Variants in SPIDR observed in about 807,000 individuals in gnomAD.
The protein encoded by SPIDR is DNA repair-scaffolding protein.
SPIDR carries 93 observed loss-of-function variants against 104.6 expected under a neutral mutation model. That is an observed-to-expected ratio of 0.89 (90% CI 0.75 to 1.06). The LOEUF is 1.06. SPIDR is among the 50% of genes least tolerant of loss of function. SPIDR has a pLI of 0.00. For missense variants in SPIDR, 1,154 were observed against 1,111.2 expected (o/e 1.04, Z -0.55); for synonymous variants, 431 against 416.9 (o/e 1.03, Z -0.41).
At chr8:47,568,876 A>G (rs1250771650) in intron 8 of SPIDR, among the ~76,000 whole-genome samples, 2 of 152,240 alleles carry the variant, frequency 1.3e-5, no homozygotes, top group African/African-American at 4.8e-5. Flanking sequence ...GAGAGCAGGC[A>G]TAAATCCTTC....
intron 5 of SPIDR, among the ~76,000 whole-genome samples, chr8:47,360,645 G>A (rs567268353): frequency 3.7e-4 from 57 of 152,290 alleles, no homozygotes; most frequent in African/African-American, 1.3e-3. Flanking sequence ...TGATTCCAGC[G>A]TTGTCAGGTC....
chr8:47,533,314 A>G lies in SPIDR; in HGVS notation c.1098-62497A>G, dbSNP rs139130223. Among the ~76,000 whole-genome samples the G allele has an allele frequency of 3.0e-4, 45 of 152,328 alleles. 1 individual carries two copies. The East Asian group carries it at 5.2e-3, about 18-fold the overall frequency. Reference sequence around the variant, plus strand: ...AGAATTAAATGTAAAATCCCAAACTATAAAAACCCTGGAAGACAACTTAGG... The same window carrying G: ...AGAATTAAATGTAAAATCCCAAACTGTAAAAACCCTGGAAGACAACTTAGG... On this transcript the variant is annotated intron_variant, in intron 8 of 19. Coordinates refer to ENST00000297423, the MANE Select transcript of SPIDR (RefSeq NM_001080394.4).
intron 8 of SPIDR, among the ~76,000 whole-genome samples, chr8:47,509,621 C>T (rs1013376017): frequency 2.6e-5 from 4 of 152,138 alleles, no homozygotes; most frequent in Non-Finnish European, 4.4e-5. Context: ...AAAAGCAAGT[C>T]GCATAACTTT....
At chr8:47,710,714 T>C (rs528043515) in intron 14 of SPIDR, among the ~76,000 whole-genome samples, 1 of 152,224 alleles carries the variant, frequency 6.6e-6, no homozygotes, top group Non-Finnish European at 1.5e-5. Flanking sequence ...GTTATCCGCC[T>C]GCCTCGGCCT....
intron 14 of SPIDR, among the ~76,000 whole-genome samples, chr8:47,706,315 C>T (rs2081076629): frequency 6.6e-6 from 1 of 152,044 alleles, no homozygotes. Context: ...ATGGTGTGAA[C>T]CTGGGAGGCG....
chr8:47,303,839 A>G (rs1372733102), intron 5 of SPIDR, among the ~76,000 whole-genome samples: 2 of 151,902 alleles, frequency 1.3e-5, no homozygotes, highest in Non-Finnish European at 2.9e-5. Context: ...ACCATGCCCA[A>G]CTAATTTTTG....
chr8:47,735,564 TTGAAA>T lies in SPIDR; in HGVS notation c.*120_*124del, dbSNP rs1466968864. 3.9e-6 allele frequency: 6 copies of T among 1,548,812 alleles called. No individual in the cohort carries two copies. The highest frequency in any genetic ancestry group is 4.0e-5 in the Admixed American group (2 of 49,890). On this transcript the variant is annotated 3_prime_UTR_variant, in exon 20 of 20. Coordinates refer to ENST00000297423, the MANE Select transcript of SPIDR (RefSeq NM_001080394.4). The stretch of plus-strand genomic sequence containing the variant: ...GACACAGTGAACGTAGTTTACGATC[TTGAAA>T]TGAAACTTAGATTTTTCTGGGGAAA...
chr8:47,487,744 C>T (rs1453720550), intron 8 of SPIDR, among the ~76,000 whole-genome samples: 1 of 152,096 alleles, frequency 6.6e-6, no homozygotes, highest in Non-Finnish European at 1.5e-5. Flanking sequence ...ACAACGTGCT[C>T]CTGAATGACT....
chr8:47,634,802 CT>C (rs1259630826), intron 10 of SPIDR, among the ~76,000 whole-genome samples: 3 of 152,230 alleles, frequency 2.0e-5, no homozygotes, highest in Non-Finnish European at 4.4e-5. Context: ...GCAACCTTTG[CT>C]GACTTAGCTT....
intron 5 of SPIDR, among the ~76,000 whole-genome samples, chr8:47,331,955 T>A (rs1330575913): frequency 7.2e-6 from 1 of 139,830 alleles, no homozygotes; most frequent in Non-Finnish European, 1.5e-5. Flanking sequence ...ATTTAAAAAA[T>A]TTTTTTAAAC....
intron 5 of SPIDR, among the ~76,000 whole-genome samples, chr8:47,312,963 A>G (rs1395829304): frequency 2.0e-5 from 3 of 152,198 alleles, no homozygotes; most frequent in African/African-American, 7.2e-5. Flanking sequence ...TCCCAGCACC[A>G]TTTATTAAAT....
intron 8 of SPIDR, among the ~76,000 whole-genome samples, chr8:47,583,522 T>G (rs1032289122): frequency 2.0e-5 from 3 of 152,164 alleles, no homozygotes; most frequent in African/African-American, 7.2e-5. Flanking sequence ...ATAACATTTG[T>G]GACAATGAGA....
At chr8:47,327,126 TAA>T (rs548934022) in intron 5 of SPIDR, among the ~76,000 whole-genome samples, 46 of 150,280 alleles carry the variant, frequency 3.1e-4, no homozygotes, top group African/African-American at 1.1e-3. Flanking sequence ...TCTACCCACT[TAA>T]AAAAAAAATC....
intron 5 of SPIDR, among the ~76,000 whole-genome samples, chr8:47,337,240 A>G (rs1209781525): frequency 1.3e-5 from 2 of 151,634 alleles, no homozygotes. Context: ...CTGACCTTCC[A>G]CCTCTGCCTC....
chr8:47,536,543 G>C (rs994584353), intron 8 of SPIDR, among the ~76,000 whole-genome samples: 2 of 152,120 alleles, frequency 1.3e-5, no homozygotes, highest in Non-Finnish European at 1.5e-5. Context: ...TCAAGAAATT[G>C]TGCTGGAACA....
At chr8:47,663,369 A>G (rs913241366) in intron 10 of SPIDR, among the ~76,000 whole-genome samples, 3 of 152,236 alleles carry the variant, frequency 2.0e-5, no homozygotes, top group Non-Finnish European at 4.4e-5. Flanking sequence ...CACAGAGGGC[A>G]GGGACTGTTT....
intron 8 of SPIDR, among the ~76,000 whole-genome samples, chr8:47,506,692 T>C (rs528096520): frequency 6.6e-6 from 1 of 152,168 alleles, no homozygotes; most frequent in East Asian, 1.9e-4. Context: ...CCCTAAAGTA[T>C]CCAAATGTAT....
intron 8 of SPIDR, among the ~76,000 whole-genome samples, chr8:47,545,748 TATA>T (rs2089244737): frequency 6.6e-6 from 1 of 152,132 alleles, no homozygotes; most frequent in Non-Finnish European, 1.5e-5. Flanking sequence ...CCCCAATAAA[TATA>T]ATATTAACTA....
intron 11 of SPIDR, among the ~76,000 whole-genome samples, chr8:47,687,211 A>G (rs1269593001): frequency 1.3e-5 from 2 of 152,244 alleles, no homozygotes; most frequent in Non-Finnish European, 2.9e-5. Context: ...CATAAATGTG[A>G]TAATAATATA....
Sources: allele counts gnomAD v4.1 joint callset (sites outside exome capture counted in the v4.1 genomes callset), GRCh38; gene constraint gnomAD v4.1.1; transcripts MANE v1.5; gene names NCBI Gene and HGNC (gene_info 2026-07-23, HGNC 2026-07-21).